FCSK: variants seen among roughly 807,000 people sequenced by gnomAD.
FCSK encodes fucose kinase.
A neutral mutation model predicts 122.5 loss-of-function variants in FCSK; 123 were observed. The observed-to-expected ratio is 1.00, with a 90% CI of 0.87 to 1.17. The LOEUF (loss-of-function observed/expected upper bound fraction) is 1.17. FCSK is among the 50% of genes most tolerant of loss of function. The pLI is 0.00. For synonymous variants in FCSK, 620 were observed against 625.5 expected (o/e 0.99, Z 0.13); for missense variants, 1,366 against 1,450.4 (o/e 0.94, Z 0.95).
At chr16:70,461,124 A>G (rs1485002184) in intron 1 of FCSK, among the ~76,000 whole-genome samples, 1 of 152,174 alleles carries the variant, frequency 6.6e-6, no homozygotes, top group Non-Finnish European at 1.5e-5. Flanking sequence ...GTGTCCTGTC[A>G]GCCTCTTCTC....
At chr16:70,467,815 A>C (rs2151712661) in intron 7 of FCSK, 71 bp from the exon 8 acceptor site, 2 of 1,316,374 alleles carry the variant, frequency 1.5e-6, no homozygotes, top group East Asian at 2.3e-5. Context: ...CCTTGCTGCC[A>C]CCTGTGGCTG....
Position 70,478,358 on chromosome 16 carries a change from G to A in FCSK, c.2728G>A (p.Val910Ile). Reference sequence around the variant, plus strand: ...GGCTCAGCTGCCACTGAAGGTGGAGGTAGAAGAGGTCACGGTGCCTGAGGG... The same window carrying A: ...GGCTCAGCTGCCACTGAAGGTGGAGATAGAAGAGGTCACGGTGCCTGAGGG... ...SRAQLPLKVE[V>I]EEVTVPEGFV... The change falls in exon 21 of 24, where the codon GTA (valine) becomes ATA (isoleucine). Residue 910 changes from valine to isoleucine, a missense_variant. Coordinates refer to ENST00000288078, the MANE Select transcript of FCSK (RefSeq NM_145059.3). 1 of 1,614,232 alleles carries A rather than the reference G, an allele frequency of 6.2e-7. No individual in the cohort carries two copies. The highest frequency in any genetic ancestry group is 8.5e-7 in the Non-Finnish European group (1 of 1,180,046).
chr16:70,469,599 G>A (rs953805432), intron 10 of FCSK, among the ~76,000 whole-genome samples: 9 of 152,086 alleles, frequency 5.9e-5, no homozygotes, highest in African/African-American at 2.2e-4. Context: ...TGTCGCCCCG[G>A]CTAGAGTGAG....
intron 17 of FCSK, 30 bp downstream of exon 17, chr16:70,474,724 G>A (rs779837215): frequency 6.3e-7 from 1 of 1,575,314 alleles, no homozygotes; most frequent in South Asian, 1.2e-5. Context: ...TGGGGTTGAG[G>A]GTAGCTGCCC....
chr16:70,459,631 A>G (rs2048199061), intron 1 of FCSK, among the ~76,000 whole-genome samples: 1 of 148,096 alleles, frequency 6.8e-6, no homozygotes, highest in African/African-American at 2.5e-5. Flanking sequence ...AAGTTACTTC[A>G]TCTCTCTGTG....
At chr16:70,465,055 G>A in intron 3 of FCSK, 71 bp from the exon 4 acceptor site, 1 of 1,593,776 alleles carries the variant, frequency 6.3e-7, no homozygotes, top group South Asian at 1.1e-5. Context: ...GTCTCTCTCT[G>A]GATTCGAGGG....
At position 70,473,116 on chromosome 16, in the gene FCSK, G is replaced by T. The variant is rs755550792; in HGVS notation, c.1540G>T (p.Asp514Tyr). 6.3e-6 allele frequency: 10 copies of T among 1,582,018 alleles called. No individual in the cohort carries two copies. The African/African-American group carries it at 1.1e-4, about 17-fold the overall frequency. ...GCTGTGGATGCTGGACCACCAGGAG[G>T]ATGGGGGCGAGGCCCTGCGAGCCTG... ...DLLWMLDHQE[D>Y]GGEALRAWRA... The change falls in exon 15 of 24, where the codon GAT becomes TAT. Residue 514 changes from aspartate (D) to tyrosine (Y), a missense_variant. Coordinates refer to ENST00000288078, the MANE Select transcript of FCSK (RefSeq NM_145059.3). This position sits in a 1 kb window ranked among gnomAD's most constrained non-coding sequence, Gnocchi z 4.9.
At chr16:70,463,026 A>T in intron 1 of FCSK, 143 bp from the exon 2 acceptor site, 1 of 508,122 alleles carries the variant, frequency 2.0e-6, no homozygotes, top group Non-Finnish European at 3.5e-6. Flanking sequence ...GAGAGGTTGC[A>T]TGAGGAAGTT....
intron 18 of FCSK, 111 bp from the exon 19 acceptor site, chr16:70,475,239 G>C: frequency 1.5e-6 from 2 of 1,315,742 alleles, no homozygotes; most frequent in Admixed American, 2.0e-5. Flanking sequence ...CTGCTGCTGG[G>C]CTTTTGTCCC....
intron 1 of FCSK, among the ~76,000 whole-genome samples, chr16:70,458,967 A>T (rs927063020): frequency 6.6e-6 from 1 of 151,416 alleles, no homozygotes; most frequent in African/African-American, 2.4e-5. Flanking sequence ...TAAATTAATA[A>T]AAAAAAAGGC....
At chr16:70,468,044 C>A (rs1326219502) in intron 8 of FCSK, 78 bp downstream of exon 8, 11 of 1,069,994 alleles carry the variant, frequency 1.0e-5, no homozygotes. Context: ...TCCTTCGATT[C>A]CTTCTAGAAG....
chr16:70,477,185 ATTTT>A (rs555886327), intron 20 of FCSK, among the ~76,000 whole-genome samples: 2 of 151,648 alleles, frequency 1.3e-5, no homozygotes, highest in South Asian at 2.1e-4. Context: ...GTTATTTTTA[ATTTT>A]TTTTTATTTT....
chr16:70,457,201 C>T lies in FCSK; in HGVS notation c.-23+2571C>T, dbSNP rs567834028. Among the ~76,000 whole-genome samples, 143 of 152,254 alleles carry T rather than the reference C, an allele frequency of 9.4e-4. 2 individuals carry two copies. The South Asian group carries it at 0.029, about 30-fold the overall frequency. ...CTGTCACCTGCCCATGTCTCTCTAT[C>T]ACTATGCTGAGATGAAGACTGGGCT... On this transcript the variant is annotated intron_variant, in intron 1 of 23. Transcript: ENST00000288078.
rs1168323511 is a variant in FCSK at position 70,475,049 on chromosome 16, A to G, written c.2377+38A>G. 4 of 1,536,814 alleles carry G rather than the reference A, an allele frequency of 2.6e-6. No homozygotes were observed. The Admixed American group carries it at 5.7e-5, about 22-fold the overall frequency. ...GGGACCTCTGCAGGTGGGGCTGGCC[A>G]GCTGGGGGCTCGGGGCAGAAGCTAG... On this transcript the variant is annotated intron_variant, in intron 18 of 23. Transcript: ENST00000288078.
chr16:70,476,881 C>A (rs1276825364), intron 20 of FCSK, among the ~76,000 whole-genome samples: 2 of 152,142 alleles, frequency 1.3e-5, no homozygotes, highest in African/African-American at 2.4e-5. Flanking sequence ...TCTGTGGGGC[C>A]CCAGGGATAA....
Position 70,467,744 on chromosome 16 carries a change from C to T in FCSK, c.583-142C>T, listed in dbSNP as rs2151712531. On this transcript the variant is annotated intron_variant, in intron 7 of 23. Transcript: ENST00000288078. The stretch of plus-strand genomic sequence containing the variant: ...GCCATCATGGAGTAGAAATCTCAGG[C>T]CCCCCCTGAGAATGCCAGCAACTGC... The T allele has an allele frequency of 8.5e-6, 6 of 704,372 alleles. No individual in the cohort carries two copies. In the South Asian group the frequency reaches 1.0e-4, roughly 12 times the overall value. The allele number at this position is 704,372 out of a possible 1,614,324, so 43.6% of individuals were successfully genotyped here.
chr16:70,472,547 G>C lies in FCSK; in HGVS notation c.1348G>C (p.Gly450Arg). 1.2e-6 allele frequency: 2 copies of C among 1,612,326 alleles called. No individual in the cohort carries two copies. Among genetic ancestry groups the C allele is most frequent in the Non-Finnish European group, 1.7e-6 (2 of 1,179,172 alleles). ...GCTTCTTCCTCTCCCCCAGAGACAG[G>C]GGGCAGGCACATATCTCAACGTGCC... ...VGRLDSWERQGAGTYLNVPWS... is the reference protein window; with the variant it reads ...VGRLDSWERQRAGTYLNVPWS... Residue 450 changes from glycine (G) to arginine (R), a missense_variant, in exon 14 of 24, where the codon GGG becomes CGG. Coordinates refer to ENST00000288078, the MANE Select transcript of FCSK (RefSeq NM_145059.3).
rs777098670 is a variant in FCSK, at chr16:70,469,139, C to T, written c.784-13C>T. On this transcript the variant is annotated splice_polypyrimidine_tract_variant and intron_variant, in intron 9 of 23. Transcript: ENST00000288078. The stretch of plus-strand genomic sequence containing the variant: ...TGCCATGCCAATAGCTGTGCTTCTT[C>T]CCCTTCCCCTAGCTGTCTCTGTTTT... The T allele has an allele frequency of 6.2e-7, 1 of 1,613,912 alleles. No homozygotes were observed. Among genetic ancestry groups the T allele is most frequent in the Non-Finnish European group, 8.5e-7 (1 of 1,179,986 alleles).
In FCSK at chr16:70,479,615, G is replaced by A. The variant is rs2048936387; in HGVS notation, c.3190G>A (p.Asp1064Asn). The change falls in exon 24 of 24, where the codon GAC (aspartate) becomes AAC (asparagine). Residue 1064 changes from aspartate (D) to asparagine (N), a missense_variant. By Grantham distance (23) the Asp-to-Asn change is conservative. Coordinates refer to ENST00000288078, the MANE Select transcript of FCSK (RefSeq NM_145059.3). The stretch of plus-strand genomic sequence containing the variant: ...TTACAGCATCCACCTGGTTGAAGTG[G>A]ACACTCAGGGCCTGAGCCTGAAGCT... ...GNYSIHLVEV[D>N]TQGLSLKLLG... 1.2e-6 allele frequency: 2 copies of A among 1,614,144 alleles called. No homozygotes were observed. The highest frequency in any genetic ancestry group is 1.7e-6 in the Non-Finnish European group (2 of 1,179,998).
Sources: gnomAD v4.1 joint callset for allele counts (sites outside exome capture counted in the v4.1 genomes callset) on GRCh38, gnomAD v4.1.1 for gene constraint, Gnocchi (gnomAD v3.1) non-coding constraint, MANE v1.5 for transcripts, NCBI Gene and HGNC (gene_info 2026-07-23, HGNC 2026-07-21) for gene names.